DCDC1: variants seen among roughly 807,000 people sequenced by gnomAD.
DCDC1 encodes doublecortin domain containing 1.
Under a neutral mutation model 178.3 loss-of-function variants are expected in DCDC1, and 200 were observed. The ratio of observed to expected loss-of-function variants is 1.12; its 90% CI spans 1.00 to 1.26. The LOEUF is 1.26. Ranked by LOEUF, DCDC1 falls within the 50% of genes most tolerant of loss-of-function variation. DCDC1 has a pLI of 0.00. For synonymous variants in DCDC1, 690 were observed against 604.8 expected, an observed-to-expected ratio of 1.14 and a Z score of -2.07; for missense variants, 1,983 against 1,749.2, an observed-to-expected ratio of 1.13 and a Z score of -2.38.
chr11:30,912,751 G>C (rs939459431), intron 27 of DCDC1, among the ~76,000 whole-genome samples: 1 of 152,170 alleles, frequency 6.6e-6, no homozygotes, highest in African/African-American at 2.4e-5. Flanking sequence ...GGACCCCATT[G>C]CAAGTTTATC....
At chr11:31,058,572 G>C (rs1210914901) in intron 20 of DCDC1, among the ~76,000 whole-genome samples, 1 of 152,062 alleles carries the variant, frequency 6.6e-6, no homozygotes, top group African/African-American at 2.4e-5. Flanking sequence ...CTAGAGCAGA[G>C]GAAGGGAGGG....
Position 31,290,872 on chromosome 11 carries a change from G to T in DCDC1, c.755-20C>A, listed in dbSNP as rs566493478. ...GATGGTCTAGAAGATAATTTTTTAA[G>T]TCAAGTCAATATTTGGCTTCAAAAT... On this transcript the variant is annotated intron_variant, in intron 6 of 38. Coordinates refer to ENST00000684477, the MANE Select transcript of DCDC1 (RefSeq NM_001387274.1). The T allele has an allele frequency of 5.0e-6, 8 of 1,600,926 alleles. No homozygotes were observed. In the South Asian group the frequency reaches 7.9e-5, roughly 16 times the overall value.
intron 38 of DCDC1, among the ~76,000 whole-genome samples, chr11:30,873,362 TATAGAG>T (rs1434179106): frequency 8.2e-4 from 113 of 138,050 alleles, no homozygotes; most frequent in African/African-American, 2.8e-3. Context: ...TATATATATA[TATAGAG>T]AGAGAGAGAG....
chr11:31,237,665 T>A (rs1366090957), intron 9 of DCDC1, among the ~76,000 whole-genome samples: 1 of 151,930 alleles, frequency 6.6e-6, no homozygotes, highest in Non-Finnish European at 1.5e-5. Flanking sequence ...TCCCACAACT[T>A]CAGACATAAA....
intron 10 of DCDC1, among the ~76,000 whole-genome samples, chr11:31,132,044 T>C (rs1353925679): frequency 6.6e-6 from 1 of 152,224 alleles, no homozygotes; most frequent in Admixed American, 6.5e-5. Flanking sequence ...CATAGATTTT[T>C]GGTTGCTTCA....
intron 1 of DCDC1, among the ~76,000 whole-genome samples, chr11:31,368,960 C>T (rs932071566): frequency 6.6e-6 from 1 of 152,122 alleles, no homozygotes; most frequent in Non-Finnish European, 1.5e-5. Context: ...ACCACCACCA[C>T]CACCACCACC....
intron 9 of DCDC1, among the ~76,000 whole-genome samples, chr11:31,150,906 T>C (rs1965107848): frequency 1.3e-5 from 2 of 152,164 alleles, no homozygotes; most frequent in Admixed American, 1.3e-4. Flanking sequence ...AAGAATGTAG[T>C]GTAAATTGTG....
intron 36 of DCDC1, among the ~76,000 whole-genome samples, chr11:30,888,106 G>GAA (rs1554959001): frequency 0.022 from 1,873 of 84,526 alleles, 23 homozygotes; most frequent in Non-Finnish European, 0.031. Context: ...GAAAAAGAAA[G>GAA]AAAGAAAGAA....
intron 20 of DCDC1, among the ~76,000 whole-genome samples, chr11:30,957,148 C>G (rs910793053): frequency 6.6e-6 from 1 of 152,130 alleles, no homozygotes; most frequent in Non-Finnish European, 1.5e-5. Flanking sequence ...GGACCCTTAT[C>G]CTCCCTCATC....
chr11:31,036,144 C>G (rs1158030870), intron 20 of DCDC1, among the ~76,000 whole-genome samples: 1 of 152,164 alleles, frequency 6.6e-6, no homozygotes, highest in Non-Finnish European at 1.5e-5. Flanking sequence ...TTTCATCTGA[C>G]AAACTACATA....
At chr11:30,873,337 G>GTATA (rs1331070687) in intron 38 of DCDC1, among the ~76,000 whole-genome samples, 15 of 138,322 alleles carry the variant, frequency 1.1e-4, no homozygotes, top group African/African-American at 1.4e-4. Context: ...AAATGTGTGT[G>GTATA]TATATACATA....
At chr11:30,927,993 T>A (rs1946696823) in intron 22 of DCDC1, among the ~76,000 whole-genome samples, 1 of 152,106 alleles carries the variant, frequency 6.6e-6, no homozygotes, top group South Asian at 2.1e-4. Context: ...AGTGGTATGG[T>A]TTAGATGTTT....
chr11:30,971,936 C>T (rs1001428308), intron 20 of DCDC1, among the ~76,000 whole-genome samples: 1 of 151,996 alleles, frequency 6.6e-6, no homozygotes, highest in African/African-American at 2.4e-5. Context: ...AATAACCAAT[C>T]AAACAAAAAT....
rs537644057 is a variant in DCDC1 at position 30,959,395 on chromosome 11, C to T, written c.2592-6827G>A. On this transcript the variant is annotated intron_variant, in intron 20 of 38. Coordinates refer to ENST00000684477, the MANE Select transcript of DCDC1 (RefSeq NM_001387274.1). Reference sequence around the variant, plus strand: ...TCAGCCCCATTCTCCTCCCTGTTCACATGTTCAGTGAAGATCTTAGGCGAC... The same window carrying T: ...TCAGCCCCATTCTCCTCCCTGTTCATATGTTCAGTGAAGATCTTAGGCGAC... Among the ~76,000 whole-genome samples, 148 of 152,242 alleles carry T rather than the reference C, an allele frequency of 9.7e-4. 1 individual carries two copies. Among genetic ancestry groups the T allele is most frequent in the Middle Eastern group, 3.4e-3 (1 of 294 alleles).
intron 8 of DCDC1, among the ~76,000 whole-genome samples, chr11:31,244,398 T>C (rs1565488992): frequency 6.6e-6 from 1 of 151,776 alleles, no homozygotes; most frequent in African/African-American, 2.4e-5. Context: ...TGTAGAGTTC[T>C]CTTTTTCCCT....
chr11:31,099,168 G>A (rs1036425030), intron 15 of DCDC1, among the ~76,000 whole-genome samples: 52 of 152,274 alleles, frequency 3.4e-4, no homozygotes, highest in African/African-American at 1.2e-3. Flanking sequence ...TTTTAGGTTT[G>A]AGTTGGTCTC....
intron 20 of DCDC1, among the ~76,000 whole-genome samples, chr11:30,959,359 T>A (rs1435429106): frequency 6.6e-6 from 1 of 152,098 alleles, no homozygotes; most frequent in Admixed American, 6.6e-5. Flanking sequence ...TACGTGCCTC[T>A]CCAAATTCGC....
intron 7 of DCDC1, among the ~76,000 whole-genome samples, chr11:31,276,722 T>C (rs938492064): frequency 1.3e-5 from 2 of 152,166 alleles, no homozygotes; most frequent in Non-Finnish European, 2.9e-5. Flanking sequence ...TGCTGGCCTG[T>C]TATTTGTCTT....
intron 38 of DCDC1, among the ~76,000 whole-genome samples, chr11:30,876,382 A>C (rs1942119716): frequency 6.6e-6 from 1 of 152,192 alleles, no homozygotes; most frequent in African/African-American, 2.4e-5. Flanking sequence ...AGCCAACCAA[A>C]GAGGAAGGTC....
Sources: gnomAD v4.1 joint callset for allele counts (sites outside exome capture counted in the v4.1 genomes callset) on GRCh38, gnomAD v4.1.1 for gene constraint, MANE v1.5 for transcripts, NCBI Gene and HGNC (gene_info 2026-07-23, HGNC 2026-07-21) for gene names.